Variants in ADGRG2 observed in about 807,000 individuals in gnomAD.
ADGRG2 encodes adhesion G protein-coupled receptor G2, also known as G protein-coupled receptor 64.
In ADGRG2, 26 loss-of-function variants were observed where a neutral mutation model predicts 74.1. That is an observed-to-expected ratio of 0.35 (90% CI 0.26 to 0.49). ADGRG2 has a LOEUF of 0.49. Among genes scored for constraint, ADGRG2 ranks in the 20% least tolerant of loss-of-function variants. The pLI is 0.99. For synonymous variants in ADGRG2, 296 were observed against 295.2 expected (o/e 1.00, Z -0.03); for missense variants, 619 against 763.1 (o/e 0.81, Z 2.22).
chrX:19,078,378 C>A, intron 2 of ADGRG2, among the ~76,000 whole-genome samples: 1 of 110,167 alleles, frequency 9.1e-6, no homozygotes, highest in Admixed American at 9.7e-5. Flanking sequence ...AGTGGGACCC[C>A]CCCTCCATCT....
At position 19,077,792 on chromosome X, in the gene ADGRG2, C is replaced by T. The variant is rs780109185; in HGVS notation, c.-2+4910G>A. 5.4e-5 allele frequency among the ~76,000 whole-genome samples: 6 copies of T among 111,578 alleles called. No homozygotes were observed. In the South Asian group the frequency reaches 2.2e-3, roughly 41 times the overall value. ...AAAATACTTTACCTAGAAATAAAACCGTTCATTCATAAAAGATTCAATTCT... is the reference window on the plus strand; with the variant it reads ...AAAATACTTTACCTAGAAATAAAACTGTTCATTCATAAAAGATTCAATTCT... On this transcript the variant is annotated intron_variant, in intron 2 of 28. Coordinates refer to ENST00000379869, the MANE Select transcript of ADGRG2 (RefSeq NM_001079858.3).
chrX:19,076,160 C>T, intron 2 of ADGRG2, among the ~76,000 whole-genome samples: 1 of 112,038 alleles, frequency 8.9e-6, no homozygotes, highest in Non-Finnish European at 1.9e-5. Flanking sequence ...TCTGGGGGTA[C>T]GTACACCTGC....
intron 2 of ADGRG2, among the ~76,000 whole-genome samples, chrX:19,071,926 T>C (rs1009229332): frequency 9.1e-6 from 1 of 109,667 alleles, no homozygotes; most frequent in African/African-American, 3.3e-5. Flanking sequence ...ACTGGTGGAG[T>C]TGACTTAGAT....
At chrX:19,004,923 T>C in intron 22 of ADGRG2, 44 bp from the exon 23 acceptor site, 1 of 1,030,106 alleles carries the variant, frequency 9.7e-7, no homozygotes. Flanking sequence ...TATTTTTAAA[T>C]AAATACAAGA....
At chrX:19,103,763 G>A (rs2062230837) in intron 1 of ADGRG2, among the ~76,000 whole-genome samples, 1 of 111,628 alleles carries the variant, frequency 9.0e-6, no homozygotes, top group Non-Finnish European at 1.9e-5. Flanking sequence ...TCTGGCCTGG[G>A]GGCAGCACAG....
At chrX:19,034,701 G>A (rs2060898111) in intron 7 of ADGRG2, 1 of 111,936 alleles carries the variant, frequency 8.9e-6, no homozygotes, top group Non-Finnish European at 1.9e-5. Context: ...TTGGGAGGCT[G>A]AGGCGGGCGG....
intron 1 of ADGRG2, among the ~76,000 whole-genome samples, chrX:19,119,384 A>G (rs1332624536): frequency 5.4e-5 from 6 of 112,121 alleles, no homozygotes; most frequent in Non-Finnish European, 1.9e-5. Flanking sequence ...CATGCGGATT[A>G]AATACCTACA....
At chrX:19,066,985 A>C (rs1193574749) in intron 3 of ADGRG2, among the ~76,000 whole-genome samples, 1 of 111,793 alleles carries the variant, frequency 8.9e-6, no homozygotes, top group Non-Finnish European at 1.9e-5. Context: ...ACAAGTAAAC[A>C]CCAGAAATAA....
At chrX:19,104,321 C>T (rs528872541) in intron 1 of ADGRG2, among the ~76,000 whole-genome samples, 10 of 111,013 alleles carry the variant, frequency 9.0e-5, no homozygotes, top group African/African-American at 3.3e-4. Context: ...CTCAGAGATA[C>T]ACCCTCTGGG....
intron 11 of ADGRG2, among the ~76,000 whole-genome samples, chrX:19,024,588 T>C (rs1384928287): frequency 2.7e-5 from 3 of 112,413 alleles, no homozygotes; most frequent in Admixed American, 1.9e-4. Flanking sequence ...TATTTGGCCA[T>C]GTCTGGAGAC....
chrX:18,991,638 C>T (rs759730640), intron 28 of ADGRG2, among the ~76,000 whole-genome samples: 1 of 112,046 alleles, frequency 8.9e-6, no homozygotes, highest in African/African-American at 3.2e-5. Flanking sequence ...ACTACCAATT[C>T]CAACTTCAGA....
intron 3 of ADGRG2, among the ~76,000 whole-genome samples, 194 bp downstream of exon 3, chrX:19,068,523 T>C (rs1460517607): frequency 9.0e-6 from 1 of 111,300 alleles, no homozygotes; most frequent in Non-Finnish European, 1.9e-5. Context: ...GATGAAAACG[T>C]TTTAGAAATG....
chrX:19,019,810 C>T (rs374234991), intron 14 of ADGRG2, 145 bp from the exon 15 acceptor site: 14 of 425,354 alleles, frequency 3.3e-5, no homozygotes, highest in East Asian at 2.2e-4. Context: ...ATAGATTGGA[C>T]GCCATTGTAT....
intron 28 of ADGRG2, among the ~76,000 whole-genome samples, chrX:18,993,966 T>C (rs2059969890): frequency 8.9e-6 from 1 of 112,095 alleles, no homozygotes; most frequent in African/African-American, 3.2e-5. Context: ...CCTGGTCTTA[T>C]GAAAGAAAGA....
rs2062496547 is a variant in ADGRG2, at chrX:19,115,598, CTG to C, written c.-47+6842_-47+6843del. 1.8e-5 allele frequency among the ~76,000 whole-genome samples: 2 copies of C among 110,646 alleles called. 1 individual carries two copies. Among genetic ancestry groups the C allele is most frequent in the South Asian group, 7.7e-4 (2 of 2,606 alleles). On this transcript the variant is annotated intron_variant, in intron 1 of 28. Transcript: ENST00000379869. ...GTGAGGAACATAAGCACGGAGGAGG[CTG>C]TGTTTGGAGAAGTTGAGAATAGGGA...
chrX:19,012,839 C>T (rs12838099), intron 16 of ADGRG2, among the ~76,000 whole-genome samples: 1 of 110,435 alleles, frequency 9.1e-6, no homozygotes, highest in Non-Finnish European at 1.9e-5. Context: ...AGAGGAAGAC[C>T]TGCCTCTTAC....
chrX:19,119,239 C>T (rs911505976), intron 1 of ADGRG2, among the ~76,000 whole-genome samples: 9 of 112,040 alleles, frequency 8.0e-5, no homozygotes, highest in African/African-American at 2.3e-4. Context: ...TCCATTAAAT[C>T]GATTTGTAAA....
chrX:18,999,778 A>G lies in ADGRG2; in HGVS notation c.2330+83T>C, dbSNP rs746526662. On this transcript the variant is annotated intron_variant, in intron 25 of 28. Coordinates refer to ENST00000379869, the MANE Select transcript of ADGRG2 (RefSeq NM_001079858.3). ...TTTATTAGGATGATAGCAGGAGTCA[A>G]TATGCTGATTAGATCCTCCGTTTTC... The G allele has an allele frequency of 2.0e-5, 12 of 597,584 alleles. No homozygotes were observed. The South Asian group carries it at 2.3e-4, about 11-fold the overall frequency. 49.2% of individuals were successfully genotyped at this position (597,584 alleles called of 1,213,427 possible).
At chrX:19,008,732 T>C (rs2060289234) in intron 18 of ADGRG2, among the ~76,000 whole-genome samples, 2 of 111,231 alleles carry the variant, frequency 1.8e-5, no homozygotes, top group Admixed American at 9.5e-5. Flanking sequence ...GGAAACATTT[T>C]AAGGATGCAA....
Sources: allele counts gnomAD v4.1 joint callset (sites outside exome capture counted in the v4.1 genomes callset), GRCh38; gene constraint gnomAD v4.1.1; transcripts MANE v1.5; gene names NCBI Gene and HGNC (gene_info 2026-07-23, HGNC 2026-07-21).